Variants in SLC2A13 observed in about 807,000 individuals in gnomAD.
SLC2A13 encodes the protein proton myo-inositol cotransporter.
Under a neutral mutation model 64.4 loss-of-function variants are expected in SLC2A13, and 32 were observed. That is an observed-to-expected ratio of 0.50 (90% confidence interval 0.37 to 0.67). The LOEUF (loss-of-function observed/expected upper bound fraction) is 0.67. SLC2A13 is among the 30% of genes least tolerant of loss of function. SLC2A13 has a pLI of 0.00. For missense variants in SLC2A13, 743 were observed against 829.2 expected (o/e 0.90, Z 1.28); for synonymous variants, 338 against 327.1 (o/e 1.03, Z -0.36).
chr12:39,952,989 ATTT>A (rs34505666), intron 3 of SLC2A13, among the ~76,000 whole-genome samples: 2 of 151,556 alleles, frequency 1.3e-5, no homozygotes, highest in African/African-American at 4.9e-5. Context: ...GTATATCATG[ATTT>A]TTTTTTTAAA....
At chr12:39,837,362 C>T (rs1224734600) in intron 6 of SLC2A13, among the ~76,000 whole-genome samples, 31 of 135,468 alleles carry the variant, frequency 2.3e-4, no homozygotes, top group Middle Eastern at 3.7e-3. Context: ...AAGACTTAAA[C>T]GTTAGACCTA....
rs1050526401 is a variant in SLC2A13 at position 40,105,174 on chromosome 12, G to C, written c.556+79C>G. The C allele has an allele frequency of 6.9e-5, 99 of 1,428,820 alleles. 1 individual carries two copies. The highest frequency in any genetic ancestry group is 1.2e-5 in the Non-Finnish European group (13 of 1,096,950). The allele number at this position is 1,428,820 out of a possible 1,614,324, so 88.5% of individuals were successfully genotyped here. ...TGGGAGACCAGACGGGGACCCCGAT[G>C]GGCAAGAGGCACGCAACACCCAGGG... On this transcript the variant is annotated intron_variant, in intron 1 of 9. Coordinates refer to ENST00000280871, the MANE Select transcript of SLC2A13 (RefSeq NM_052885.4). The surrounding 1 kb of genome is among the most constrained non-coding windows in gnomAD (Gnocchi z 4.2).
At chr12:39,760,477 G>A (rs1423032021) in intron 9 of SLC2A13, among the ~76,000 whole-genome samples, 1 of 151,912 alleles carries the variant, frequency 6.6e-6, no homozygotes, top group African/African-American at 2.4e-5. Flanking sequence ...AAGAATAATA[G>A]AACAGGCTCA....
chr12:39,830,112 G>C lies in SLC2A13; in HGVS notation c.1436C>G (p.Ala479Gly). The C allele has an allele frequency of 6.2e-7, 1 of 1,613,588 alleles. No individual in the cohort carries two copies. Residue 479 changes from alanine to glycine, a missense_variant, in exon 7 of 10, where the codon GCC becomes GGC. This residue lies in a region of SLC2A13 where 295 missense variants were observed against 381.7 expected (regional missense o/e 0.77). Transcript: ENST00000280871. Reference sequence around the variant, plus strand: ...AAAATGAGTGATATACCTGCCCCAGGCTGCCTCATTTGTAGATGCTTTATT... The same window carrying C: ...AAAATGAGTGATATACCTGCCCCAGCCTGCCTCATTTGTAGATGCTTTATT... Reference protein sequence around the residue: ...PVNKASTNEAAWGRCENETKF... With the variant: ...PVNKASTNEAGWGRCENETKF...
chr12:39,849,843 C>G (rs1592202794), intron 6 of SLC2A13, among the ~76,000 whole-genome samples: 1 of 152,042 alleles, frequency 6.6e-6, no homozygotes, highest in South Asian at 2.1e-4. Context: ...TATATGGCTA[C>G]TCCCTTCTTT....
chr12:39,927,762 AT>A, intron 4 of SLC2A13, among the ~76,000 whole-genome samples: 1 of 152,268 alleles, frequency 6.6e-6, no homozygotes, highest in South Asian at 2.1e-4. Context: ...ATATGCTTTA[AT>A]TAATTTGACA....
Position 39,933,090 on chromosome 12 carries a change from G to A in SLC2A13, c.1034+18167C>T, listed in dbSNP as rs567644309. Among the ~76,000 whole-genome samples, 12 of 152,100 alleles carry A rather than the reference G, an allele frequency of 7.9e-5. No homozygotes were observed. In the East Asian group the frequency reaches 1.4e-3, roughly 17 times the overall value. On this transcript the variant is annotated intron_variant, in intron 4 of 9. Coordinates refer to ENST00000280871, the MANE Select transcript of SLC2A13 (RefSeq NM_052885.4). The stretch of plus-strand genomic sequence containing the variant: ...AAAAAAATACAAAAATTAGCCAGTC[G>A]TGGGGGCATGTGCCTGTAATCTCAG...
At chr12:39,892,907 T>A (rs990860504) in intron 4 of SLC2A13, among the ~76,000 whole-genome samples, 1 of 152,180 alleles carries the variant, frequency 6.6e-6, no homozygotes, top group Non-Finnish European at 1.5e-5. Flanking sequence ...AACACTGTCA[T>A]GTTAGCAAAG....
intron 1 of SLC2A13, among the ~76,000 whole-genome samples, chr12:40,058,904 T>C (rs1948375278): frequency 6.6e-6 from 1 of 152,196 alleles, no homozygotes; most frequent in Non-Finnish European, 1.5e-5. Flanking sequence ...TCTCTTAGGC[T>C]GGCTTTAGAA....
intron 3 of SLC2A13, among the ~76,000 whole-genome samples, chr12:40,007,147 TGAGAG>T (rs1221035296): frequency 1.3e-5 from 2 of 152,202 alleles, no homozygotes; most frequent in African/African-American, 4.8e-5. Flanking sequence ...GCTCTGTGGC[TGAGAG>T]AAGTGCCCAA....
At chr12:39,910,199 G>C (rs972268994) in intron 4 of SLC2A13, among the ~76,000 whole-genome samples, 17 of 152,018 alleles carry the variant, frequency 1.1e-4, no homozygotes, top group African/African-American at 3.9e-4. Flanking sequence ...ACCCTAGAAA[G>C]TGCTACTATT....
chr12:39,875,924 T>C (rs1010895409), intron 4 of SLC2A13, among the ~76,000 whole-genome samples: 3 of 152,196 alleles, frequency 2.0e-5, no homozygotes, highest in African/African-American at 7.2e-5. Context: ...ACTGTATTCA[T>C]TCAAAAGTTG....
intron 4 of SLC2A13, among the ~76,000 whole-genome samples, chr12:39,929,377 C>T (rs1253223673): frequency 2.0e-5 from 3 of 151,778 alleles, no homozygotes; most frequent in Admixed American, 6.6e-5. Flanking sequence ...ATGGTGAAAC[C>T]CTGTCTCTAC....
intron 4 of SLC2A13, among the ~76,000 whole-genome samples, chr12:39,906,719 C>G (rs1028236917): frequency 1.3e-5 from 2 of 152,050 alleles, no homozygotes; most frequent in African/African-American, 4.8e-5. Flanking sequence ...AAATCAATTA[C>G]TAAAATTCTT....
intron 1 of SLC2A13, among the ~76,000 whole-genome samples, chr12:40,077,984 T>C (rs992684391): frequency 9.9e-5 from 15 of 152,218 alleles, no homozygotes; most frequent in Admixed American, 9.2e-4. Flanking sequence ...ATGCTACTGA[T>C]ACTTGTACAT....
At chr12:39,890,515 G>T (rs1237914208) in intron 4 of SLC2A13, among the ~76,000 whole-genome samples, 1 of 152,184 alleles carries the variant, frequency 6.6e-6, no homozygotes, top group East Asian at 1.9e-4. Flanking sequence ...ATATAAGCAT[G>T]AGAGTCTTAA....
At chr12:39,894,365 A>AATATCAC (rs749443839) in intron 4 of SLC2A13, among the ~76,000 whole-genome samples, 85 of 152,230 alleles carry the variant, frequency 5.6e-4, no homozygotes, top group Non-Finnish European at 1.1e-3. Context: ...TTAAAAGTAG[A>AATATCAC]ATATCACAAC....
intron 3 of SLC2A13, among the ~76,000 whole-genome samples, chr12:39,978,565 T>C (rs1324691573): frequency 2.0e-5 from 3 of 152,160 alleles, no homozygotes; most frequent in African/African-American, 4.8e-5. Context: ...GGGTGACGGA[T>C]GCACCTGGAA....
At position 40,103,127 on chromosome 12, in the gene SLC2A13, T is replaced by C. The variant is rs552062154; in HGVS notation, c.556+2126A>G. On this transcript the variant is annotated intron_variant, in intron 1 of 9. Coordinates refer to ENST00000280871, the MANE Select transcript of SLC2A13 (RefSeq NM_052885.4). ...ACCAACCAGCCCAGAGACCACAGAA[T>C]GAGGCTGCAAGACAGAGAGGCCTCC... is the stretch of plus-strand genomic sequence containing the variant. 2.0e-5 allele frequency among the ~76,000 whole-genome samples: 3 copies of C among 152,312 alleles called. No homozygotes were observed. The South Asian group carries it at 6.2e-4, about 32-fold the overall frequency.
Sources: allele counts gnomAD v4.1 joint callset (sites outside exome capture counted in the v4.1 genomes callset), GRCh38; gene constraint gnomAD v4.1.1; regional missense constraint gnomAD v4.1.1; non-coding constraint Gnocchi (gnomAD v3.1); transcripts MANE v1.5; gene names NCBI Gene and HGNC (gene_info 2026-07-23, HGNC 2026-07-21).